Variants in ZNF215 observed in about 807,000 individuals in gnomAD.
ZNF215 encodes the protein BWSCR2-associated zinc finger protein 2.
Under a neutral mutation model 27.2 loss-of-function variants are expected in ZNF215, and 24 were observed. The observed-to-expected ratio is 0.88, with a 90% CI of 0.64 to 1.24. The LOEUF is 1.24. Ranked by LOEUF, ZNF215 falls within the 50% of genes most tolerant of loss-of-function variation. The pLI, the probability that ZNF215 is intolerant of heterozygous loss-of-function variation, is 0.00. For synonymous variants in ZNF215, 210 were observed against 204.0 expected (o/e 1.03, Z -0.25); for missense variants, 675 against 605.7 (o/e 1.11, Z -1.20).
chr11:6,956,376 T>C lies in ZNF215; in HGVS notation c.1399T>C (p.Cys467Arg), dbSNP rs1850355365. 2.5e-6 allele frequency: 4 copies of C among 1,614,174 alleles called. No homozygotes were observed. Among genetic ancestry groups the C allele is most frequent in the Middle Eastern group, 1.6e-4 (1 of 6,062 alleles). The change falls in exon 7 of 7, where the codon TGT becomes CGT. Residue 467 changes from cysteine to arginine, a missense_variant. Physicochemically the swap from Cys to Arg is radical, Grantham distance 180. Coordinates refer to ENST00000278319, the MANE Select transcript of ZNF215 (RefSeq NM_013250.4). ...AAACAATTTCTATCAATGTGTTAAC[T>C]GTGGAAAATCCTTCAACCGGAGCTC... is the stretch of plus-strand genomic sequence containing the variant. ...FGNNFYQCVN[C>R]GKSFNRSSSL...
rs1360761765 is a variant in ZNF215 at position 6,935,630 on chromosome 11, C to T, written c.400+2958C>T. ...AAGAATAATAATTGGAGATTTCACT[C>T]CACTTTTATTAACAGAAATACTAGA... On this transcript the variant is annotated intron_variant, in intron 3 of 6. Coordinates refer to ENST00000278319, the MANE Select transcript of ZNF215 (RefSeq NM_013250.4). Among the ~76,000 whole-genome samples the T allele has an allele frequency of 2.0e-5, 3 of 152,118 alleles. No homozygotes were observed. The East Asian group carries it at 5.8e-4, about 29-fold the overall frequency.
chr11:6,987,118 A>G (rs965173110), downstream of ZNF215, among the ~76,000 whole-genome samples: 8 of 152,212 alleles, frequency 5.3e-5, no homozygotes, highest in African/African-American at 1.7e-4. Context: ...ACAATAGCAA[A>G]GACATGGTGA....
At chr11:6,983,973 C>A (rs969558221) in intron 5 of ZNF215, among the ~76,000 whole-genome samples, 2 of 151,864 alleles carry the variant, frequency 1.3e-5, no homozygotes, top group Non-Finnish European at 2.9e-5. Context: ...TATTTTTTCT[C>A]TTATGAGACT....
intron 5 of ZNF215, among the ~76,000 whole-genome samples, chr11:6,982,807 A>G (rs2133356971): frequency 6.6e-6 from 1 of 152,230 alleles, no homozygotes; most frequent in East Asian, 1.9e-4. Flanking sequence ...AGAAAGCAGG[A>G]AAGATCCAAA....
chr11:6,958,138 T>G (rs1057439144), downstream of ZNF215: 13 of 922,502 alleles, frequency 1.4e-5, no homozygotes, highest in Non-Finnish European at 1.7e-5. Context: ...AAACAAGAGA[T>G]AACTTGTAGA....
At chr11:6,950,683 G>A (rs1454654170) in intron 6 of ZNF215, among the ~76,000 whole-genome samples, 1 of 151,232 alleles carries the variant, frequency 6.6e-6, no homozygotes, top group Non-Finnish European at 1.5e-5. Context: ...TGCAAACAGG[G>A]ACAATTTGAC....
intron 5 of ZNF215, among the ~76,000 whole-genome samples, chr11:6,967,281 G>C (rs1220670045): frequency 2.6e-5 from 4 of 152,176 alleles, no homozygotes; most frequent in Non-Finnish European, 4.4e-5. Context: ...ACATGTATGT[G>C]TGTATTTATA....
chr11:6,968,864 T>C (rs1239205647), intron 5 of ZNF215, among the ~76,000 whole-genome samples: 24 of 150,830 alleles, frequency 1.6e-4, no homozygotes, highest in Admixed American at 1.6e-3. Flanking sequence ...AGACCCCATC[T>C]CAAAAAAAAA....
intron 5 of ZNF215, among the ~76,000 whole-genome samples, chr11:6,982,515 C>G (rs1850976792): frequency 6.6e-6 from 1 of 152,148 alleles, no homozygotes; most frequent in Non-Finnish European, 1.5e-5. Context: ...AAGTAAAGCT[C>G]TCCTCAGCAA....
intron 5 of ZNF215, among the ~76,000 whole-genome samples, chr11:6,964,176 T>C (rs1218440357): frequency 1.3e-5 from 2 of 152,046 alleles, no homozygotes; most frequent in African/African-American, 4.8e-5. Context: ...GACAGTTTTT[T>C]ATATATTCTA....
At position 6,956,568 on chromosome 11, in the gene ZNF215, G is replaced by A. The variant is rs1850367584; in HGVS notation, c.*37G>A. ...ATGAAAGATTACCTTCAGTCAGAAT[G>A]CAGAACTCATTTAACATCATGAATT... On this transcript the variant is annotated 3_prime_UTR_variant, in exon 7 of 7. Coordinates refer to ENST00000278319, the MANE Select transcript of ZNF215 (RefSeq NM_013250.4). The A allele has an allele frequency of 6.6e-7, 1 of 1,517,154 alleles. No individual in the cohort carries two copies. Among genetic ancestry groups the A allele is most frequent in the Non-Finnish European group, 8.8e-7 (1 of 1,140,464 alleles). The allele number at this position is 1,517,154 out of a possible 1,614,324, so 94.0% of individuals were successfully genotyped here. A position where few individuals can be genotyped will look rare whatever the true frequency, so the allele number is the denominator to read the frequency against.
rs1438200954 is a variant in ZNF215, at chr11:6,926,630, A to G, written c.-381A>G. 2 of 152,280 alleles carry G rather than the reference A, an allele frequency of 1.3e-5. No homozygotes were observed. The highest frequency in any genetic ancestry group is 2.9e-5 in the Non-Finnish European group (2 of 68,102). 9.4% of individuals were successfully genotyped at this position (152,280 alleles called of 1,614,324 possible). A position where few individuals can be genotyped will look rare whatever the true frequency, so the allele number is the denominator to read the frequency against. ...TAGTTGCAGCGTGATTACCAACGCC[A>G]GCTCCCTTCACTGTCCAAGACAGCG... On this transcript the variant is annotated 5_prime_UTR_variant, in exon 1 of 7. Transcript: ENST00000278319.
At chr11:6,975,860 T>C (rs1331417049) in intron 5 of ZNF215, among the ~76,000 whole-genome samples, 1 of 152,128 alleles carries the variant, frequency 6.6e-6, no homozygotes, top group Non-Finnish European at 1.5e-5. Flanking sequence ...TTTGGATACA[T>C]ATCCAACAGT....
intron 5 of ZNF215, among the ~76,000 whole-genome samples, chr11:6,979,269 G>A (rs568631900): frequency 2.0e-5 from 3 of 151,968 alleles, no homozygotes; most frequent in South Asian, 4.2e-4. Flanking sequence ...AAAGGATAAA[G>A]GAATAAATCT....
Position 6,966,975 on chromosome 11 carries a change from G to A in ZNF215, c.805+11193G>A, listed in dbSNP as rs530278059. ...TCCCTCCCTGATTCCCCTACCCACCGACAGGCCCTGGTGTATGATGTTCCC... is the reference window on the plus strand; with the variant it reads ...TCCCTCCCTGATTCCCCTACCCACCAACAGGCCCTGGTGTATGATGTTCCC... On this transcript the variant is annotated intron_variant, in intron 5 of 5. Transcript: ENST00000529903. 2.6e-4 allele frequency among the ~76,000 whole-genome samples: 39 copies of A among 151,734 alleles called. 1 individual carries two copies. In the South Asian group the frequency reaches 7.1e-3, roughly 28 times the overall value.
intron 5 of ZNF215, among the ~76,000 whole-genome samples, chr11:6,964,684 CTTT>C (rs71056773): frequency 7.0e-6 from 1 of 142,180 alleles, no homozygotes; most frequent in Non-Finnish European, 1.5e-5. Context: ...CTTCTTAGGT[CTTT>C]TTTTTTTTTT....
At chr11:6,929,259 T>C (rs76704889) in intron 2 of ZNF215, among the ~76,000 whole-genome samples, 3,436 of 152,270 alleles carry the variant, frequency 0.023, 83 homozygotes, top group East Asian at 0.13. Context: ...TGGATAAAGT[T>C]ACAGGAAAAT....
chr11:6,978,227 TA>T (rs1850873854), intron 5 of ZNF215, among the ~76,000 whole-genome samples: 1 of 151,880 alleles, frequency 6.6e-6, no homozygotes, highest in Admixed American at 6.6e-5. Flanking sequence ...CACTCAGCAA[TA>T]AAAAGGAATG....
At chr11:6,993,339 C>T (rs896467839), downstream of ZNF215, among the ~76,000 whole-genome samples, 1 of 152,166 alleles carries the variant, frequency 6.6e-6, no homozygotes, top group Admixed American at 6.5e-5. Context: ...CTTTTTCTGG[C>T]AACACTATTT....
Sources: gnomAD v4.1 joint callset for allele counts (sites outside exome capture counted in the v4.1 genomes callset) on GRCh38, gnomAD v4.1.1 for gene constraint, MANE v1.5 for transcripts, NCBI Gene and HGNC (gene_info 2026-07-23, HGNC 2026-07-21) for gene names.